The following PLXNB1 variants were observed in gnomAD, a reference collection of about 807,000 sequenced individuals.
The protein encoded by PLXNB1 is plexin-B1.
PLXNB1 carries 106 observed loss-of-function variants against 209.4 expected under a neutral mutation model. The ratio of observed to expected loss-of-function variants is 0.51; its 90% confidence interval spans 0.43 to 0.59. The LOEUF is 0.59. Among genes scored for constraint, PLXNB1 ranks in the 20% least tolerant of loss-of-function variants. The pLI, the probability that PLXNB1 is intolerant of heterozygous loss-of-function variation, is 0.00. For synonymous variants in PLXNB1, 1,167 were observed against 1,183.2 expected, an observed-to-expected ratio of 0.99 and a Z score of 0.28; for missense variants, 2,357 against 2,853.2, an observed-to-expected ratio of 0.83 and a Z score of 3.96.
Position 48,419,288 on chromosome 3 carries a change from C to A in PLXNB1, c.2788G>T (p.Glu930Ter), listed in dbSNP as rs749153099. The change falls in exon 12 of 38, where the codon GAG becomes TAG. Residue 930 changes from glutamate (E) to a stop codon, truncating the protein, a stop_gained. Coordinates refer to ENST00000296440, the MANE Select transcript of PLXNB1 (RefSeq NM_001130082.3). LOFTEE classifies it high-confidence loss of function. The surrounding 1 kb of genome is among the most constrained non-coding windows in gnomAD (Gnocchi z 5.7). ...CTGCCTAGCAGCCGGATTTCCCGCTCCACATGGACCGGCATCAACGTGGAG... is the reference window on the plus strand; with the variant it reads ...CTGCCTAGCAGCCGGATTTCCCGCTACACATGGACCGGCATCAACGTGGAG... ...QGSTLMPVHVEREIRLLGRNL... is the reference protein window; with the variant it reads ...QGSTLMPVHV 2 of 1,598,186 alleles carry A rather than the reference C, an allele frequency of 1.3e-6. No homozygotes were observed. The highest frequency in any genetic ancestry group is 1.7e-6 in the Non-Finnish European group (2 of 1,169,898).
Position 48,410,731 on chromosome 3 carries a change from G to C in PLXNB1, c.5416+137C>G. Reference sequence around the variant, plus strand: ...CCCAGATGAGAGGCTGTCCAAGAAAGATGTTCCAAAGCCAGCTTCTGCCTG... The same window carrying C: ...CCCAGATGAGAGGCTGTCCAAGAAACATGTTCCAAAGCCAGCTTCTGCCTG... On this transcript the variant is annotated intron_variant, in intron 29 of 37. Transcript: ENST00000296440. This position sits in a 1 kb window ranked among gnomAD's most constrained non-coding sequence, Gnocchi z 6.4. The C allele has an allele frequency of 1.0e-6, 1 of 1,002,190 alleles. No individual in the cohort carries two copies. Among genetic ancestry groups the C allele is most frequent in the Non-Finnish European group, 1.5e-6 (1 of 679,672 alleles). The allele number at this position is 1,002,190 out of a possible 1,614,324, so 62.1% of individuals were successfully genotyped here.
Position 48,416,698 on chromosome 3 carries a change from G to A in PLXNB1, c.3375-247C>T, listed in dbSNP as rs2038124997. On this transcript the variant is annotated intron_variant, in intron 16 of 37. Coordinates refer to ENST00000296440, the MANE Select transcript of PLXNB1 (RefSeq NM_001130082.3). This position sits in a 1 kb window ranked among gnomAD's most constrained non-coding sequence, Gnocchi z 4.1. ...AACCCCAGGGGCCCCCAATAAGGAA[G>A]AATTTATCTGTGGCATAAATTTACA... 2.7e-6 allele frequency: 1 copy of A among 365,606 alleles called. No individual in the cohort carries two copies. Among genetic ancestry groups the A allele is most frequent in the Non-Finnish European group, 4.9e-6 (1 of 205,028 alleles). The allele number at this position is 365,606 out of a possible 1,614,324, so 22.6% of individuals were successfully genotyped here.
chr3:48,424,173 C>T lies in PLXNB1; in HGVS notation c.439G>A (p.Asp147Asn), dbSNP rs1384224332. Residue 147 changes from aspartate to asparagine, a missense_variant, in exon 3 of 38, where the codon GAT becomes AAT. Asp to Asn is a conservative substitution (Grantham distance 23, BLOSUM62 1). Transcript: ENST00000296440. Reference sequence around the variant, plus strand: ...AGCCCCACCGTGCTGACCGCAGGATCATTGGCAGCCACATATTGTGTGTCC... The same window carrying T: ...AGCCCCACCGTGCTGACCGCAGGATTATTGGCAGCCACATATTGTGTGTCC... The part of the protein sequence containing the change: ...PGDTQYVAAN[D>N]PAVSTVGLVA... 1 of 1,583,322 alleles carries T rather than the reference C, an allele frequency of 6.3e-7. No individual in the cohort carries two copies. The highest frequency in any genetic ancestry group is 8.6e-7 in the Non-Finnish European group (1 of 1,163,890).
Position 48,410,129 on chromosome 3 carries a change from G to A in PLXNB1, c.5606-52C>T, listed in dbSNP as rs1344500912. On this transcript the variant is annotated intron_variant, in intron 31 of 37. Transcript: ENST00000296440. The surrounding 1 kb of genome is among the most constrained non-coding windows in gnomAD (Gnocchi z 6.4). Reference sequence around the variant, plus strand: ...CCCTCCCCAGGTGCCACCTCCCCAGGCCCCCTGTTTCTTGCCAGCTCTCCC... The same window carrying A: ...CCCTCCCCAGGTGCCACCTCCCCAGACCCCCTGTTTCTTGCCAGCTCTCCC... 1.3e-6 allele frequency: 2 copies of A among 1,526,494 alleles called. No homozygotes were observed. The highest frequency in any genetic ancestry group is 2.1e-5 in the Admixed American group (1 of 48,764). 94.6% of individuals were successfully genotyped at this position (1,526,494 alleles called of 1,614,324 possible). A position where few individuals can be genotyped will look rare whatever the true frequency, so the allele number is the denominator to read the frequency against.
At chr3:48,407,124 G>A (rs772275128) in intron 34 of PLXNB1, 33 bp from the exon 35 acceptor site, 3 of 1,595,392 alleles carry the variant, frequency 1.9e-6, no homozygotes, top group Admixed American at 3.3e-5. Flanking sequence ...AAAAGAGGAA[G>A]GAAGGAAGGA....
In PLXNB1 at chr3:48,412,673, G is replaced by A; in HGVS notation, c.4855-53C>T. 5 of 1,605,268 alleles carry A rather than the reference G, an allele frequency of 3.1e-6. No homozygotes were observed. The Middle Eastern group carries it at 8.3e-4, about 266-fold the overall frequency. On this transcript the variant is annotated intron_variant, in intron 25 of 37. Coordinates refer to ENST00000296440, the MANE Select transcript of PLXNB1 (RefSeq NM_001130082.3). The stretch of plus-strand genomic sequence containing the variant: ...AGGGGTTTAGGGGGACAGAGGGGCG[G>A]GCTCAGAAACCATGCCCTGGAGAAG...
In PLXNB1 at chr3:48,422,647, A is replaced by G. The variant is rs2038608586; in HGVS notation, c.1290+118T>C. 16 of 1,262,294 alleles carry G rather than the reference A, an allele frequency of 1.3e-5. No homozygotes were observed. In the South Asian group the frequency reaches 2.2e-4, roughly 18 times the overall value. The allele number at this position is 1,262,294 out of a possible 1,614,324, so 78.2% of individuals were successfully genotyped here. A position where few individuals can be genotyped will look rare whatever the true frequency, so the allele number is the denominator to read the frequency against. ...AACACCACCCAGTCCTGGGGAGAGG[A>G]GCTCAGGTCATCTCTCCTGGCCCAG... is the stretch of plus-strand genomic sequence containing the variant. On this transcript the variant is annotated intron_variant, in intron 4 of 37. Coordinates refer to ENST00000296440, the MANE Select transcript of PLXNB1 (RefSeq NM_001130082.3).
At position 48,426,817 on chromosome 3, in the gene PLXNB1, C is replaced by T. The variant is rs566612475; in HGVS notation, c.-59-1484G>A. Among the ~76,000 whole-genome samples the T allele has an allele frequency of 5.9e-5, 9 of 152,292 alleles. No individual in the cohort carries two copies. In the South Asian group the frequency reaches 1.7e-3, roughly 28 times the overall value. ...GGGGCAGCAGGGAAAGTCTCGAACC[C>T]GGCCAGGATCCCAGGACTGTGGCAA... On this transcript the variant is annotated intron_variant, in intron 1 of 37. Transcript: ENST00000296440.
chr3:48,412,610 G>A lies in PLXNB1; in HGVS notation c.4865C>T (p.Thr1622Met), dbSNP rs943454138. Residue 1622 changes from threonine to methionine, a missense_variant, in exon 26 of 38, where the codon ACG becomes ATG. Physicochemically the swap from Thr to Met is moderately conservative, Grantham distance 81 (BLOSUM62 -1). Coordinates refer to ENST00000296440, the MANE Select transcript of PLXNB1 (RefSeq NM_001130082.3). ...SKLFLTKFIH[T>M]LESQRTFSAR... ...TGAAAAGGTGCGCTGGCTCTCCAGC[G>A]TGTGGATGAACTGCAGCCAAAGAGA... The A allele has an allele frequency of 2.5e-6, 4 of 1,613,298 alleles. No homozygotes were observed. The highest frequency in any genetic ancestry group is 1.3e-5 in the African/African-American group (1 of 74,942).
At position 48,413,059 on chromosome 3, in the gene PLXNB1, T is replaced by C. The variant is rs3214041; in HGVS notation, c.4636+10A>G. The C allele has an allele frequency of 0.56, 908,595 of 1,611,792 alleles. 258,298 individuals are homozygous for C. The highest frequency in any genetic ancestry group is 0.68 in the African/African-American group (50,853 of 74,862). ...GTTCTGGAGGGCGGGGCCCATTCTCTCAGCCACACCTGTGAATTCCTTCTT... is the reference window on the plus strand; with the variant it reads ...GTTCTGGAGGGCGGGGCCCATTCTCCCAGCCACACCTGTGAATTCCTTCTT... On this transcript the variant is annotated intron_variant, in intron 24 of 37. Transcript: ENST00000296440. The surrounding 1 kb of genome is among the most constrained non-coding windows in gnomAD (Gnocchi z 5.4).
intron 21 of PLXNB1, 85 bp from the exon 22 acceptor site, chr3:48,414,156 C>A: frequency 1.5e-6 from 2 of 1,320,034 alleles, no homozygotes; most frequent in Non-Finnish European, 2.2e-6. Context: ...CCCTGAGACC[C>A]AGCCGCAGCA....
Position 48,411,773 on chromosome 3 carries a change from A to G in PLXNB1, c.5247+90T>C, listed in dbSNP as rs1055483133. On this transcript the variant is annotated intron_variant, in intron 28 of 37. Coordinates refer to ENST00000296440, the MANE Select transcript of PLXNB1 (RefSeq NM_001130082.3). This position sits in a 1 kb window ranked among gnomAD's most constrained non-coding sequence, Gnocchi z 4.0. ...CTCTACATCCAGGTACCACATCAGA[A>G]GCTGGTGTCCAGACCCCACACACCC... The G allele has an allele frequency of 7.1e-7, 1 of 1,413,074 alleles. No homozygotes were observed. The highest frequency in any genetic ancestry group is 1.3e-5 in the South Asian group (1 of 77,624). The allele number at this position is 1,413,074 out of a possible 1,614,324, so 87.5% of individuals were successfully genotyped here.
rs146847340 is a variant in PLXNB1, at chr3:48,423,957, C to T, written c.655G>A (p.Val219Met). Residue 219 changes from valine to methionine, a missense_variant, in exon 3 of 38, where the codon GTG becomes ATG. Val to Met is a conservative substitution (Grantham distance 21). Transcript: ENST00000296440. Reference sequence around the variant, plus strand: ...CTGGCCCCACGTGCAAAGGCACTCACGAAGTGGTGGCTGTACTCGGAGAGG... The same window carrying T: ...CTGGCCCCACGTGCAAAGGCACTCATGAAGTGGTGGCTGTACTCGGAGAGG... ...GRLSEYSHHF[V>M]SAFARGASAY... 3,765 of 1,614,042 alleles carry T rather than the reference C, an allele frequency of 2.3e-3. 10 individuals carry two copies. The highest frequency in any genetic ancestry group is 4.3e-3 in the Admixed American group (261 of 60,032).
At position 48,406,917 on chromosome 3, in the gene PLXNB1, A is replaced by G. The variant is rs1188551483; in HGVS notation, c.6153-19T>C. On this transcript the variant is annotated intron_variant, in intron 35 of 37. Coordinates refer to ENST00000296440, the MANE Select transcript of PLXNB1 (RefSeq NM_001130082.3). This position sits in a 1 kb window ranked among gnomAD's most constrained non-coding sequence, Gnocchi z 4.4. ...ATAGTACCTGCCAGAGAGCCAGGGCACAGCAGCTGCTGGGTAAACAAGCCC... is the reference window on the plus strand; with the variant it reads ...ATAGTACCTGCCAGAGAGCCAGGGCGCAGCAGCTGCTGGGTAAACAAGCCC... 1.2e-6 allele frequency: 2 copies of G among 1,612,670 alleles called. No individual in the cohort carries two copies. The highest frequency in any genetic ancestry group is 1.7e-6 in the Non-Finnish European group (2 of 1,179,064).
intron 3 of PLXNB1, 98 bp downstream of exon 3, chr3:48,423,407 C>T: frequency 9.0e-6 from 12 of 1,337,262 alleles, no homozygotes; most frequent in South Asian, 3.9e-5. Flanking sequence ...CTCGTGCTAC[C>T]ACCAGCTGCC....
intron 6 of PLXNB1, 118 bp downstream of exon 6, chr3:48,421,987 G>T: frequency 7.8e-7 from 1 of 1,279,224 alleles, no homozygotes; most frequent in Non-Finnish European, 1.1e-6. Flanking sequence ...AGGAATTGGG[G>T]TGTCTGGGGA....
At chr3:48,412,373 C>T in intron 26 of PLXNB1, 69 bp from the exon 27 acceptor site, 2 of 1,610,630 alleles carry the variant, frequency 1.2e-6, no homozygotes, top group Non-Finnish European at 1.7e-6. Flanking sequence ...TCCTGCAGAC[C>T]CCCCAGCCCG....
chr3:48,419,077 A>G lies in PLXNB1; in HGVS notation c.2833-38T>C. ...AACACAGCTGTTGGGCAGCTTCAGG[A>G]GCTGGGCCCAGGGAGTCCTGCAGGT... On this transcript the variant is annotated intron_variant, in intron 12 of 37. Transcript: ENST00000296440. The surrounding 1 kb of genome is among the most constrained non-coding windows in gnomAD (Gnocchi z 5.7). 2 of 1,608,920 alleles carry G rather than the reference A, an allele frequency of 1.2e-6. No individual in the cohort carries two copies. The highest frequency in any genetic ancestry group is 2.2e-5 in the South Asian group (2 of 90,852).
At position 48,424,315 on chromosome 3, in the gene PLXNB1, C is replaced by T; in HGVS notation, c.297G>A (p.Gln99=). 1 of 1,562,040 alleles carries T rather than the reference C, an allele frequency of 6.4e-7. No individual in the cohort carries two copies. Among genetic ancestry groups the T allele is most frequent in the Non-Finnish European group, 8.7e-7 (1 of 1,152,826 alleles). Residue 99 remains glutamine, a synonymous_variant, in exon 3 of 38, where the codon CAG becomes CAA. Coordinates refer to ENST00000296440, the MANE Select transcript of PLXNB1 (RefSeq NM_001130082.3). ...PQAQPTNNPN[Q]LLLVSPGALV... is the part of the protein sequence containing the mutation. Reference sequence around the variant, plus strand: ...GGGCCCCTGGGCTCACCAGGAGCAGCTGATTCGGGTTGTTGGTAGGCTGGG... The same window carrying T: ...GGGCCCCTGGGCTCACCAGGAGCAGTTGATTCGGGTTGTTGGTAGGCTGGG...
Sources: gnomAD v4.1 joint callset for allele counts (sites outside exome capture counted in the v4.1 genomes callset) on GRCh38, gnomAD v4.1.1 for gene constraint, Gnocchi (gnomAD v3.1) non-coding constraint, MANE v1.5 for transcripts, NCBI Gene and HGNC (gene_info 2026-07-23, HGNC 2026-07-21) for gene names.